The following SH3RF3 variants were observed in gnomAD, a reference collection of about 807,000 sequenced individuals.
SH3RF3 encodes the protein E3 ubiquitin-protein ligase SH3RF3.
SH3RF3 carries 29 observed loss-of-function variants against 66.3 expected under a neutral mutation model. The observed-to-expected ratio is 0.44, with a 90% CI of 0.33 to 0.60. The LOEUF (loss-of-function observed/expected upper bound fraction) is 0.60. Among genes scored for constraint, SH3RF3 ranks in the 20% least tolerant of loss-of-function variants. The pLI, the probability that SH3RF3 is intolerant of heterozygous loss-of-function variation, is 0.04. For missense variants in SH3RF3, 1,194 were observed against 1,190.9 expected, an observed-to-expected ratio of 1.00 and a Z score of -0.04; for synonymous variants, 583 against 532.0, an observed-to-expected ratio of 1.10 and a Z score of -1.32.
At chr2:109,340,458 G>A (rs574075367) in intron 1 of SH3RF3, among the ~76,000 whole-genome samples, 2 of 152,320 alleles carry the variant, frequency 1.3e-5, no homozygotes, top group African/African-American at 4.8e-5. Flanking sequence ...CAAGGACCAT[G>A]CATTGGTTCT....
At chr2:109,328,018 C>G (rs1230341318) in intron 1 of SH3RF3, among the ~76,000 whole-genome samples, 2 of 152,206 alleles carry the variant, frequency 1.3e-5, no homozygotes, top group African/African-American at 4.8e-5. Context: ...TCCATATGTC[C>G]CTCCACTTTT....
At position 109,346,717 on chromosome 2, in the gene SH3RF3, A is replaced by G. The variant is rs1235209807; in HGVS notation, c.574-957A>G. 2.6e-5 allele frequency among the ~76,000 whole-genome samples: 4 copies of G among 152,254 alleles called. No individual in the cohort carries two copies. The East Asian group carries it at 7.7e-4, about 29-fold the overall frequency. On this transcript the variant is annotated intron_variant, in intron 1 of 9. Transcript: ENST00000309415. ...CTTTGACAGGCTCCTTATTGCTGAC[A>G]AGCAGAAGCAGCTTAGAATCTTGTT...
intron 5 of SH3RF3, among the ~76,000 whole-genome samples, chr2:109,422,938 C>A (rs1676921527): frequency 1.3e-5 from 2 of 152,126 alleles, no homozygotes; most frequent in South Asian, 2.1e-4. Context: ...GAGGACGAAA[C>A]AGGCATCAGA....
chr2:109,489,724 A>G (rs1362126483), intron 8 of SH3RF3, among the ~76,000 whole-genome samples: 1 of 120,712 alleles, frequency 8.3e-6, no homozygotes, highest in South Asian at 2.8e-4. Flanking sequence ...CAAGTGTCGG[A>G]CAAGGTTTTT....
At chr2:109,335,546 C>G (rs1340978879) in intron 1 of SH3RF3, among the ~76,000 whole-genome samples, 1 of 152,216 alleles carries the variant, frequency 6.6e-6, no homozygotes, top group African/African-American at 2.4e-5. Context: ...TTCACCCTAT[C>G]CCCATCCCAG....
chr2:109,462,879 C>T (rs1387469766), intron 8 of SH3RF3, among the ~76,000 whole-genome samples: 4 of 152,206 alleles, frequency 2.6e-5, no homozygotes, highest in African/African-American at 7.2e-5. Flanking sequence ...ACCATAGTGA[C>T]ATTTGGCTCT....
At chr2:109,469,263 C>T (rs1678440405) in intron 8 of SH3RF3, among the ~76,000 whole-genome samples, 1 of 152,236 alleles carries the variant, frequency 6.6e-6, no homozygotes, top group Admixed American at 6.5e-5. Context: ...AGGGAAGGGC[C>T]TGGATCTAAC....
intron 1 of SH3RF3, among the ~76,000 whole-genome samples, chr2:109,209,985 C>T (rs56695078): frequency 3.3e-5 from 5 of 152,266 alleles, no homozygotes; most frequent in East Asian, 1.9e-4. Context: ...CACGCTCAGC[C>T]CCCCCAGTAA....
At chr2:109,475,522 C>T (rs1224574365) in intron 8 of SH3RF3, among the ~76,000 whole-genome samples, 2 of 152,218 alleles carry the variant, frequency 1.3e-5, no homozygotes, top group Admixed American at 1.3e-4. Flanking sequence ...CTGCCTCATA[C>T]AGTTGGCTGT....
At chr2:109,432,385 C>T in intron 5 of SH3RF3, 116 bp from the exon 6 acceptor site, 3 of 1,327,652 alleles carry the variant, frequency 2.3e-6, no homozygotes, top group South Asian at 2.7e-5. Context: ...CCCATAGACT[C>T]TAGTGGGTCT....
At chr2:109,405,214 G>A (rs1446136484) in intron 4 of SH3RF3, among the ~76,000 whole-genome samples, 1 of 152,102 alleles carries the variant, frequency 6.6e-6, no homozygotes, top group Non-Finnish European at 1.5e-5. Context: ...CAACTTCAGC[G>A]CATGCCAGGA....
intron 1 of SH3RF3, among the ~76,000 whole-genome samples, chr2:109,211,241 T>C (rs1678967100): frequency 6.6e-6 from 1 of 152,184 alleles, no homozygotes; most frequent in African/African-American, 2.4e-5. Context: ...CCCTGATAAA[T>C]GGCAGCTGGC....
At chr2:109,326,530 T>C (rs1040472962) in intron 1 of SH3RF3, among the ~76,000 whole-genome samples, 1 of 152,206 alleles carries the variant, frequency 6.6e-6, no homozygotes, top group Non-Finnish European at 1.5e-5. Flanking sequence ...TTTTAAATTT[T>C]TGCCAATCTG....
rs115721574 is a variant in SH3RF3, at chr2:109,386,799, G to C, written c.946-11791G>C. The stretch of plus-strand genomic sequence containing the variant: ...TGCTAGACCTTGCCTGAAACATCAT[G>C]CTCTTAAAAAATGACTGCATTCTCA... On this transcript the variant is annotated intron_variant, in intron 3 of 9. Coordinates refer to ENST00000309415, the MANE Select transcript of SH3RF3 (RefSeq NM_001099289.3). 6.7e-3 allele frequency among the ~76,000 whole-genome samples: 1,016 copies of C among 152,216 alleles called. 13 individuals carry two copies. The highest frequency in any genetic ancestry group is 0.023 in the African/African-American group (950 of 41,534).
intron 1 of SH3RF3, among the ~76,000 whole-genome samples, chr2:109,161,262 G>A (rs1677482988): frequency 6.6e-6 from 1 of 152,162 alleles, no homozygotes; most frequent in Admixed American, 6.5e-5. Context: ...GCAGTGATGA[G>A]TTGAGTTTAG....
chr2:109,184,046 G>C (rs1484613750), intron 1 of SH3RF3, among the ~76,000 whole-genome samples: 1 of 152,210 alleles, frequency 6.6e-6, no homozygotes, highest in Non-Finnish European at 1.5e-5. Flanking sequence ...GCTAGGTGCT[G>C]TCCAGGGTAT....
At chr2:109,410,742 C>T (rs560168320) in intron 4 of SH3RF3, among the ~76,000 whole-genome samples, 4 of 152,338 alleles carry the variant, frequency 2.6e-5, no homozygotes, top group East Asian at 1.9e-4. Context: ...TTAAAAAGAC[C>T]GTGGTGCAAA....
chr2:109,152,555 A>T (rs1262382636), intron 1 of SH3RF3, among the ~76,000 whole-genome samples: 2 of 152,214 alleles, frequency 1.3e-5, no homozygotes, highest in Admixed American at 1.3e-4. Context: ...ACTGCATGGA[A>T]ATTGGATTTT....
intron 9 of SH3RF3, among the ~76,000 whole-genome samples, chr2:109,497,154 A>AT (rs1375151601): frequency 2.0e-5 from 3 of 152,352 alleles, no homozygotes; most frequent in Non-Finnish European, 4.4e-5. Context: ...ATTTATGGTC[A>AT]TTCGTTATAG....
Sources: allele counts gnomAD v4.1 joint callset (sites outside exome capture counted in the v4.1 genomes callset), GRCh38; gene constraint gnomAD v4.1.1; transcripts MANE v1.5; gene names NCBI Gene and HGNC (gene_info 2026-07-23, HGNC 2026-07-21).